Variants in CACNA1C observed in about 807,000 individuals in gnomAD.
CACNA1C encodes the protein calcium voltage-gated channel subunit alpha1 C, also known as voltage-dependent L-type calcium channel subunit alpha-1C.
A neutral mutation model predicts 229.0 loss-of-function variants in CACNA1C; 30 were observed. That is an observed-to-expected ratio of 0.13 (90% CI 0.10 to 0.18). CACNA1C has a LOEUF of 0.18. CACNA1C is among the 10% of genes least tolerant of loss of function. The probability of loss-of-function intolerance (pLI) is 1.00; values close to 1 mark genes in which losing one functional copy is unlikely to be tolerated. For missense variants in CACNA1C, 1,658 were observed against 2,845.0 expected (o/e 0.58, Z 9.49); for synonymous variants, 1,114 against 1,132.5 (o/e 0.98, Z 0.33).
At chr12:2,638,349 C>T (rs1365860279) in intron 30 of CACNA1C, among the ~76,000 whole-genome samples, 3 of 152,058 alleles carry the variant, frequency 2.0e-5, no homozygotes, top group Non-Finnish European at 4.4e-5. Flanking sequence ...ATGTGGAGAT[C>T]GGGAGAAGAG....
At chr12:2,259,007 C>A (rs561220485) in intron 3 of CACNA1C, among the ~76,000 whole-genome samples, 14 of 152,322 alleles carry the variant, frequency 9.2e-5, no homozygotes, top group African/African-American at 3.4e-4. Flanking sequence ...CTAGTGAGTT[C>A]AGCATGATTC....
intron 5 of CACNA1C, among the ~76,000 whole-genome samples, chr12:2,485,855 C>T (rs1360075905): frequency 6.6e-6 from 1 of 152,160 alleles, no homozygotes; most frequent in Non-Finnish European, 1.5e-5. Context: ...ATGTTCTTCC[C>T]CTTGGAAGTA....
At chr12:2,135,543 C>G (rs1200664529) in intron 3 of CACNA1C, among the ~76,000 whole-genome samples, 1 of 131,540 alleles carries the variant, frequency 7.6e-6, no homozygotes, top group South Asian at 2.3e-4. Flanking sequence ...CCCTCAGCTG[C>G]AGGTCTGTTG....
At position 2,638,817 on chromosome 12, in the gene CACNA1C, C is replaced by A. The variant is rs138400686; in HGVS notation, c.3912+4437C>A. On this transcript the variant is annotated intron_variant, in intron 30 of 46. Coordinates refer to ENST00000399655, the MANE Select transcript of CACNA1C (RefSeq NM_000719.7). ...GCAAGGAGGCGGGCTGGAGGCGGGG[C>A]CTGTGTGAGTTAGGAAATGCCAGAG... 3.6e-3 allele frequency among the ~76,000 whole-genome samples: 554 copies of A among 152,208 alleles called. 2 individuals are homozygous for A. The highest frequency in any genetic ancestry group is 0.013 in the African/African-American group (534 of 41,516).
At chr12:2,171,073 C>G (rs780896678) in intron 3 of CACNA1C, among the ~76,000 whole-genome samples, 2 of 152,200 alleles carry the variant, frequency 1.3e-5, no homozygotes, top group African/African-American at 4.8e-5. Context: ...GGCTGGATTG[C>G]TGAGAACATC....
chr12:2,665,715 TC>T lies in CACNA1C; in HGVS notation c.4526+10del. ...AGTATGACCCTGAAGCCAAGTAAGT[TC>T]CCAGAGGGAAATCCTGATTCCCCAA... On this transcript the variant is annotated splice_region_variant and intron_variant, in intron 36 of 46. Transcript: ENST00000399655. The surrounding 1 kb of genome is among the most constrained non-coding windows in gnomAD (Gnocchi z 5.9). 2 of 1,610,260 alleles carry T rather than the reference TC, an allele frequency of 1.2e-6. No individual in the cohort carries two copies. The highest frequency in any genetic ancestry group is 1.7e-6 in the Non-Finnish European group (2 of 1,178,036).
chr12:2,456,669 G>T (rs770820092), intron 4 of CACNA1C, among the ~76,000 whole-genome samples: 1 of 152,190 alleles, frequency 6.6e-6, no homozygotes, highest in Non-Finnish European at 1.5e-5. Flanking sequence ...CTCTGCTCAA[G>T]TGTCACCTGC....
At chr12:2,392,990 C>A (rs2098511881) in intron 3 of CACNA1C, among the ~76,000 whole-genome samples, 1 of 152,118 alleles carries the variant, frequency 6.6e-6, no homozygotes, top group South Asian at 2.1e-4. Context: ...CTACTGTTAA[C>A]CCTCTAGTAT....
rs749530097 is a variant in CACNA1C, at chr12:2,655,105, C to T, written c.4141-42C>T. 272 of 1,210,478 alleles carry T rather than the reference C, an allele frequency of 2.2e-4. 1 individual carries two copies. In the Admixed American group the frequency reaches 2.9e-3, roughly 13 times the overall value. The allele number at this position is 1,210,478 out of a possible 1,614,324, so 75.0% of individuals were successfully genotyped here. On this transcript the variant is annotated intron_variant, in intron 33 of 46. Transcript: ENST00000399655. ...CAATGGTGGGAAATTAGGACCCTAT[C>T]TGTCCACAAATCACTGAACACCTCT...
chr12:2,616,278 G>C (rs1010125438), intron 29 of CACNA1C, among the ~76,000 whole-genome samples: 8 of 152,198 alleles, frequency 5.3e-5, no homozygotes, highest in East Asian at 3.9e-4. Context: ...CTCTCTTTCT[G>C]TCTGGGCCTC....
intron 1 of CACNA1C, among the ~76,000 whole-genome samples, chr12:2,012,095 G>T (rs1489396856): frequency 6.6e-6 from 1 of 152,148 alleles, no homozygotes; most frequent in Non-Finnish European, 1.5e-5. Flanking sequence ...AGCCCCAAAG[G>T]TAATTGAACT....
In CACNA1C at chr12:2,274,258, G is replaced by C. The variant is rs1286019661; in HGVS notation, c.477+153828G>C. ...CCTCTCAGAGGATATGAGCACTCCC[G>C]AGTCGTTCTCACTGCGTGTGTTCAT... On this transcript the variant is annotated intron_variant, in intron 3 of 46. Transcript: ENST00000399655. 2.6e-5 allele frequency among the ~76,000 whole-genome samples: 4 copies of C among 152,284 alleles called. No homozygotes were observed. In the South Asian group the frequency reaches 8.3e-4, roughly 32 times the overall value.
At chr12:2,357,147 G>A (rs958915914) in intron 3 of CACNA1C, among the ~76,000 whole-genome samples, 1 of 152,224 alleles carries the variant, frequency 6.6e-6, no homozygotes, top group Admixed American at 6.5e-5. Context: ...AAGATTAGAA[G>A]TGAGGCTTTC....
chr12:2,679,874 G>T lies in CACNA1C; in HGVS notation c.5444+78G>T, dbSNP rs372998770. The T allele has an allele frequency of 4.3e-4, 461 of 1,079,086 alleles. 2 individuals carry two copies. In the East Asian group the frequency reaches 9.7e-3, roughly 23 times the overall value. The allele number at this position is 1,079,086 out of a possible 1,614,324, so 66.8% of individuals were successfully genotyped here. A position where few individuals can be genotyped will look rare whatever the true frequency, so the allele number is the denominator to read the frequency against. On this transcript the variant is annotated intron_variant, in intron 42 of 46. Transcript: ENST00000399655. This position sits in a 1 kb window ranked among gnomAD's most constrained non-coding sequence, Gnocchi z 5.5. ...CCCTCAGGAGACAGTGGAGGAGACG[G>T]AGGCCTCGGCCAGCCACTTGTCCCT...
At chr12:2,362,439 T>C (rs2097581066) in intron 3 of CACNA1C, among the ~76,000 whole-genome samples, 2 of 152,190 alleles carry the variant, frequency 1.3e-5, no homozygotes, top group Non-Finnish European at 2.9e-5. Context: ...CTACATGTTT[T>C]TGTGGCACGC....
At chr12:2,138,594 G>T (rs553170255) in intron 3 of CACNA1C, among the ~76,000 whole-genome samples, 2 of 151,134 alleles carry the variant, frequency 1.3e-5, no homozygotes, top group South Asian at 2.1e-4. Context: ...GCAGGCCGGG[G>T]TCACTTCCAC....
At chr12:2,397,735 C>T (rs1442827324) in intron 3 of CACNA1C, among the ~76,000 whole-genome samples, 1 of 152,224 alleles carries the variant, frequency 6.6e-6, no homozygotes, top group Non-Finnish European at 1.5e-5. Flanking sequence ...GGGATTAGAG[C>T]GTCTGCAGAG....
intron 1 of CACNA1C, among the ~76,000 whole-genome samples, chr12:2,079,504 A>G (rs1306368315): frequency 1.3e-5 from 2 of 152,118 alleles, no homozygotes. Flanking sequence ...TGAGAACTGA[A>G]GAGCTCTCTC....
chr12:2,053,536 T>C lies in CACNA1C; in HGVS notation c.-27T>C. 1.9e-6 allele frequency: 3 copies of C among 1,576,612 alleles called. No individual in the cohort carries two copies. Among genetic ancestry groups the C allele is most frequent in the Non-Finnish European group, 2.6e-6 (3 of 1,160,982 alleles). ...CACATTTCTTCCTCTTCGTGGCTGC[T>C]CCTCCTATTAAAACCATTTTTGGTC... On this transcript the variant is annotated 5_prime_UTR_variant, in exon 1 of 47. Coordinates refer to ENST00000399655, the MANE Select transcript of CACNA1C (RefSeq NM_000719.7). This position sits in a 1 kb window ranked among gnomAD's most constrained non-coding sequence, Gnocchi z 5.8.
Sources: gnomAD v4.1 joint callset for allele counts (sites outside exome capture counted in the v4.1 genomes callset) on GRCh38, gnomAD v4.1.1 for gene constraint, Gnocchi (gnomAD v3.1) non-coding constraint, MANE v1.5 for transcripts, NCBI Gene and HGNC (gene_info 2026-07-23, HGNC 2026-07-21) for gene names.